The following TNFRSF10B variants were observed in gnomAD, a reference collection of about 807,000 sequenced individuals.
TNFRSF10B encodes TNF receptor superfamily member 10b.
TNFRSF10B carries 35 observed loss-of-function variants against 41.4 expected under a neutral mutation model. That is an observed-to-expected ratio of 0.85 (90% CI 0.65 to 1.12). TNFRSF10B has a LOEUF of 1.12. Among genes scored for constraint, TNFRSF10B ranks in the 50% most tolerant of loss-of-function variants. The pLI, the probability that TNFRSF10B is intolerant of heterozygous loss-of-function variation, is 0.00. For synonymous variants in TNFRSF10B, 230 were observed against 215.5 expected (o/e 1.07, Z -0.59); for missense variants, 584 against 552.7 (o/e 1.06, Z -0.57).
Position 23,020,259 on chromosome 8 carries a change from C to T in TNFRSF10B, c.*2412G>A, listed in dbSNP as rs989542711. 1.6e-4 allele frequency: 74 copies of T among 454,100 alleles called. No individual in the cohort carries two copies. Among genetic ancestry groups the T allele is most frequent in the African/African-American group, 1.2e-3 (61 of 50,098 alleles). 28.1% of individuals were successfully genotyped at this position (454,100 alleles called of 1,614,324 possible). A position where few individuals can be genotyped will look rare whatever the true frequency, so the allele number is the denominator to read the frequency against. On this transcript the variant is annotated 3_prime_UTR_variant, in exon 9 of 9. Coordinates refer to ENST00000276431, the MANE Select transcript of TNFRSF10B (RefSeq NM_003842.5). ...ATAGGGACCTTTGACAGGGCAGAAG[C>T]ATGAAAGGACACCAACCACGAGTGA...
Position 23,028,362 on chromosome 8 carries a change from T to C in TNFRSF10B, c.717A>G (p.Lys239=). ...VFVCKSLLWK[K]VLPYLKGICS... Reference sequence around the variant, plus strand: ...AGATGCCTTTCAGGTAAGGAAGGACTTTCTTCCACAGTAAAGACTTGCAAA... The same window carrying C: ...AGATGCCTTTCAGGTAAGGAAGGACCTTCTTCCACAGTAAAGACTTGCAAA... Residue 239 remains lysine (K), a synonymous_variant, in exon 5 of 9, where the codon AAA becomes AAG. Transcript: ENST00000276431. The C allele has an allele frequency of 6.2e-7, 1 of 1,614,158 alleles. No homozygotes were observed. The highest frequency in any genetic ancestry group is 8.5e-7 in the Non-Finnish European group (1 of 1,180,020).
intron 1 of TNFRSF10B, among the ~76,000 whole-genome samples, chr8:23,058,073 C>T (rs1585226311): frequency 6.6e-6 from 1 of 152,186 alleles, no homozygotes; most frequent in Middle Eastern, 3.4e-3. Context: ...ATGGTGAAAC[C>T]CCATCTCTAC....
intron 1 of TNFRSF10B, among the ~76,000 whole-genome samples, chr8:23,066,631 G>T (rs1160576649): frequency 6.6e-6 from 1 of 152,082 alleles, no homozygotes; most frequent in Non-Finnish European, 1.5e-5. Flanking sequence ...AACTCGGCTG[G>T]GCGTGGTGGC....
chr8:23,057,422 T>C lies in TNFRSF10B; in HGVS notation c.144+11329A>G, dbSNP rs546006258. Among the ~76,000 whole-genome samples the C allele has an allele frequency of 6.8e-5, 10 of 147,580 alleles. 1 individual carries two copies. The highest frequency in any genetic ancestry group is 2.6e-4 in the African/African-American group (10 of 38,798). ...ACAGTGTATTATAATTTCCTCTGAA[T>C]TCTGTAATTTTTTTTTTTTTTTTTT... On this transcript the variant is annotated intron_variant, in intron 1 of 8. Coordinates refer to ENST00000276431, the MANE Select transcript of TNFRSF10B (RefSeq NM_003842.5).
intron 7 of TNFRSF10B, among the ~76,000 whole-genome samples, chr8:23,026,020 G>A (rs937690453): frequency 6.6e-6 from 1 of 152,136 alleles, no homozygotes; most frequent in East Asian, 1.9e-4. Context: ...GGGTTGCAAT[G>A]AGCCAAGATG....
At position 23,027,745 on chromosome 8, in the gene TNFRSF10B, C is replaced by T. The variant is rs1481986106; in HGVS notation, c.757G>A (p.Gly253Arg). 6.2e-7 allele frequency: 1 copy of T among 1,614,094 alleles called. No homozygotes were observed. Among genetic ancestry groups the T allele is most frequent in the South Asian group, 1.1e-5 (1 of 91,080 alleles). The change falls in exon 6 of 9, where the codon GGG becomes AGG. Residue 253 changes from glycine (G) to arginine (R), a missense_variant. Transcript: ENST00000276431. ...YLKGICSGGG[G>R]DPERVDRSSQ... Reference sequence around the variant, plus strand: ...ACTCTGTCCACACGCTCAGGGTCCCCACCACCACCTAAAAAAGAAGCAGTC... The same window carrying T: ...ACTCTGTCCACACGCTCAGGGTCCCTACCACCACCTAAAAAAGAAGCAGTC...
chr8:23,068,024 A>G (rs899115968), intron 1 of TNFRSF10B, among the ~76,000 whole-genome samples: 2 of 152,236 alleles, frequency 1.3e-5, no homozygotes, highest in South Asian at 2.1e-4. Flanking sequence ...AGAGGTGGCA[A>G]GAAAGGCTCT....
At chr8:23,068,641 C>G in intron 1 of TNFRSF10B, 110 bp downstream of exon 1, 1 of 1,468,920 alleles carries the variant, frequency 6.8e-7, no homozygotes, top group South Asian at 1.3e-5. Context: ...CGGACATGCC[C>G]GGCCGCAGGC....
At chr8:23,043,429 C>T (rs1427760077) in intron 1 of TNFRSF10B, among the ~76,000 whole-genome samples, 186 bp from the exon 2 acceptor site, 1 of 152,194 alleles carries the variant, frequency 6.6e-6, no homozygotes, top group African/African-American at 2.4e-5. Flanking sequence ...GGCCAAGTAA[C>T]ATACACCTGC....
At chr8:23,040,414 A>ACG (rs1812154587) in intron 2 of TNFRSF10B, among the ~76,000 whole-genome samples, 1 of 84,764 alleles carries the variant, frequency 1.2e-5, no homozygotes, top group Admixed American at 1.5e-4. Flanking sequence ...TATACAAAAT[A>ACG]TATATTTATT....
chr8:23,028,682 T>A (rs1811786652), intron 4 of TNFRSF10B, 80 bp from the exon 5 acceptor site: 1 of 1,542,780 alleles, frequency 6.5e-7, no homozygotes, highest in Non-Finnish European at 8.9e-7. Flanking sequence ...CCACCCTCCC[T>A]CCCCAGTGTC....
intron 1 of TNFRSF10B, among the ~76,000 whole-genome samples, chr8:23,053,236 G>C (rs143239523): frequency 6.6e-6 from 1 of 152,312 alleles, no homozygotes; most frequent in East Asian, 1.9e-4. Flanking sequence ...CTGCATTTCT[G>C]TCTAGGTCGT....
intron 2 of TNFRSF10B, among the ~76,000 whole-genome samples, chr8:23,033,582 T>C (rs1342726111): frequency 3.1e-5 from 2 of 65,060 alleles, no homozygotes; most frequent in African/African-American, 7.8e-5. Flanking sequence ...CGAGACTCCG[T>C]CTCAAAAAAA....
intron 3 of TNFRSF10B, among the ~76,000 whole-genome samples, chr8:23,030,216 C>G (rs899580842): frequency 6.6e-6 from 1 of 152,232 alleles, no homozygotes; most frequent in African/African-American, 2.4e-5. Flanking sequence ...GCCCTGTCCA[C>G]TTGGCCTGGC....
intron 1 of TNFRSF10B, among the ~76,000 whole-genome samples, chr8:23,064,609 C>T (rs1042702932): frequency 6.6e-6 from 1 of 152,192 alleles, no homozygotes; most frequent in African/African-American, 2.4e-5. Flanking sequence ...CCTGCCTCCT[C>T]CCGGACATGA....
chr8:23,068,016 A>T (rs1813047294), intron 1 of TNFRSF10B, among the ~76,000 whole-genome samples: 1 of 152,240 alleles, frequency 6.6e-6, no homozygotes, highest in African/African-American at 2.4e-5. Flanking sequence ...ACTTGCCAAG[A>T]GGTGGCAAGA....
chr8:23,023,744 A>G (rs1226318501), intron 8 of TNFRSF10B, among the ~76,000 whole-genome samples: 1 of 152,250 alleles, frequency 6.6e-6, no homozygotes, highest in African/African-American at 2.4e-5. Context: ...TACAAAAATT[A>G]TGAGTGAAAT....
chr8:23,039,958 C>T (rs188452134), intron 2 of TNFRSF10B, among the ~76,000 whole-genome samples: 51 of 151,978 alleles, frequency 3.4e-4, no homozygotes, highest in Middle Eastern at 3.4e-3. Context: ...TTTGGGAGGC[C>T]GAGGCAGGTG....
chr8:23,020,241 C>A lies in TNFRSF10B; in HGVS notation c.*2430G>T. The A allele has an allele frequency of 2.2e-6, 1 of 453,744 alleles. No homozygotes were observed. The highest frequency in any genetic ancestry group is 2.3e-5 in the Admixed American group (1 of 42,566). The allele number at this position is 453,744 out of a possible 1,614,324, so 28.1% of individuals were successfully genotyped here. On this transcript the variant is annotated 3_prime_UTR_variant, in exon 9 of 9. Transcript: ENST00000276431. ...TATTATAACACATTTCAAATAGGGA[C>A]CTTTGACAGGGCAGAAGCATGAAAG...
Sources: allele counts gnomAD v4.1 joint callset (sites outside exome capture counted in the v4.1 genomes callset), GRCh38; gene constraint gnomAD v4.1.1; transcripts MANE v1.5; gene names NCBI Gene and HGNC (gene_info 2026-07-23, HGNC 2026-07-21).